The following PID1 variants were observed in gnomAD, a reference collection of about 807,000 sequenced individuals.
PID1 encodes the protein PTB-containing, cubilin and LRP1-interacting protein.
In PID1, 10 loss-of-function variants were observed where a neutral mutation model predicts 19.1. The ratio of observed to expected loss-of-function variants is 0.52; its 90% confidence interval spans 0.32 to 0.89. The LOEUF (loss-of-function observed/expected upper bound fraction) is 0.89. Ranked by LOEUF, PID1 falls within the 40% of genes least tolerant of loss-of-function variation. PID1 has a pLI of 0.03. For missense variants in PID1, 248 were observed against 285.3 expected (o/e 0.87, Z 0.94); for synonymous variants, 130 against 116.0 (o/e 1.12, Z -0.78).
intron 1 of PID1, among the ~76,000 whole-genome samples, chr2:229,251,944 T>TTAAAAAAAAAA (rs1690162331): frequency 1.4e-5 from 1 of 71,474 alleles, no homozygotes; most frequent in Non-Finnish European, 2.9e-5. Context: ...AACCATAAGC[T>TTAAAAAAAAAA]AAAAAAAAAA....
In PID1 at chr2:229,090,249, C is replaced by T. The variant is rs537069668; in HGVS notation, c.178-64141G>A. Among the ~76,000 whole-genome samples the T allele has an allele frequency of 4.9e-4, 75 of 152,196 alleles. 1 individual carries two copies. Among genetic ancestry groups the T allele is most frequent in the African/African-American group, 1.5e-3 (61 of 41,544 alleles). On this transcript the variant is annotated intron_variant, in intron 2 of 2. Transcript: ENST00000392055. ...GCTAATCAACATAGAAATTAAAGAA[C>T]GTAATCTGGAAAAAACAGTTCAAGT...
chr2:229,098,385 G>T (rs1251641592), intron 2 of PID1, among the ~76,000 whole-genome samples: 1 of 152,200 alleles, frequency 6.6e-6, no homozygotes, highest in Admixed American at 6.5e-5. Flanking sequence ...GTTCTAATGG[G>T]AAACAGTTTC....
chr2:229,266,458 G>C (rs1690594305), intron 1 of PID1, among the ~76,000 whole-genome samples: 1 of 152,158 alleles, frequency 6.6e-6, no homozygotes, highest in East Asian at 1.9e-4. Flanking sequence ...ACCAAAAACA[G>C]AGTAGCCTTT....
chr2:229,162,414 G>A (rs1690509240), intron 1 of PID1, among the ~76,000 whole-genome samples: 1 of 152,178 alleles, frequency 6.6e-6, no homozygotes, highest in Non-Finnish European at 1.5e-5. Flanking sequence ...CCTGCTTAAT[G>A]TTTTTATAAG....
intron 2 of PID1, among the ~76,000 whole-genome samples, chr2:229,081,856 G>T (rs1249457215): frequency 6.6e-6 from 1 of 152,310 alleles, no homozygotes; most frequent in Non-Finnish European, 1.5e-5. Context: ...TTGCCAAATA[G>T]CTCAGGAAAG....
chr2:229,207,650 G>T (rs1691636751), intron 1 of PID1, among the ~76,000 whole-genome samples: 1 of 151,698 alleles, frequency 6.6e-6, no homozygotes, highest in Admixed American at 6.6e-5. Context: ...AGTTGTCTGT[G>T]TAATGATCAC....
intron 1 of PID1, among the ~76,000 whole-genome samples, chr2:229,230,503 C>T (rs1692182027): frequency 6.6e-6 from 1 of 152,200 alleles, no homozygotes; most frequent in South Asian, 2.1e-4. Flanking sequence ...GGAAGTTCTT[C>T]TGTGAATAAC....
intron 2 of PID1, among the ~76,000 whole-genome samples, chr2:229,095,191 C>T (rs1361694922): frequency 6.6e-6 from 1 of 152,094 alleles, no homozygotes; most frequent in Non-Finnish European, 1.5e-5. Context: ...AACTGGAAAA[C>T]ATTTAGAAAG....
At chr2:229,194,722 G>T (rs1691336395) in intron 1 of PID1, among the ~76,000 whole-genome samples, 1 of 152,138 alleles carries the variant, frequency 6.6e-6, no homozygotes, top group South Asian at 2.1e-4. Flanking sequence ...GTTAATGTAT[G>T]TGAGTGAGTG....
At chr2:229,111,876 C>T (rs940041468) in intron 2 of PID1, among the ~76,000 whole-genome samples, 4 of 152,080 alleles carry the variant, frequency 2.6e-5, no homozygotes, top group Admixed American at 2.6e-4. Context: ...TGAAAATAAC[C>T]TTTCAAAAAT....
At chr2:229,150,696 A>AAT (rs1690233157) in intron 2 of PID1, among the ~76,000 whole-genome samples, 1 of 152,128 alleles carries the variant, frequency 6.6e-6, no homozygotes, top group Non-Finnish European at 1.5e-5. Flanking sequence ...TGTTTGTTAC[A>AAT]ATATTGCTGC....
intron 2 of PID1, among the ~76,000 whole-genome samples, chr2:229,082,188 T>C (rs911036533): frequency 6.6e-6 from 1 of 152,230 alleles, no homozygotes; most frequent in Non-Finnish European, 1.5e-5. Flanking sequence ...CTTCAGACTC[T>C]GGAAGAGGAC....
At chr2:229,192,681 T>C (rs1174874528) in intron 1 of PID1, among the ~76,000 whole-genome samples, 3 of 152,208 alleles carry the variant, frequency 2.0e-5, no homozygotes, top group African/African-American at 4.8e-5. Context: ...GTAATAATCA[T>C]AGTGATACCT....
chr2:229,083,267 G>T (rs1444385766), intron 2 of PID1, among the ~76,000 whole-genome samples: 1 of 152,140 alleles, frequency 6.6e-6, no homozygotes, highest in Non-Finnish European at 1.5e-5. Context: ...AGTATGTGCT[G>T]GAGTGGCTAA....
At chr2:229,100,829 C>G (rs1029367279) in intron 2 of PID1, among the ~76,000 whole-genome samples, 57 of 152,138 alleles carry the variant, frequency 3.7e-4, no homozygotes, top group African/African-American at 1.3e-3. Context: ...AGTAGAAAAC[C>G]CTTTCCTGCT....
chr2:229,098,768 G>A (rs1444489575), intron 2 of PID1, among the ~76,000 whole-genome samples: 1 of 152,112 alleles, frequency 6.6e-6, no homozygotes, highest in South Asian at 2.1e-4. Flanking sequence ...CAACTCTCCC[G>A]CTAGCTATTT....
At chr2:229,057,581 A>G (rs1360789393) in intron 2 of PID1, among the ~76,000 whole-genome samples, 1 of 146,740 alleles carries the variant, frequency 6.8e-6, no homozygotes, top group African/African-American at 2.4e-5. Context: ...AATTTTTGAT[A>G]CTGTGATAAC....
At chr2:229,205,840 C>A (rs1236777013) in intron 1 of PID1, among the ~76,000 whole-genome samples, 2 of 152,156 alleles carry the variant, frequency 1.3e-5, no homozygotes, top group African/African-American at 4.8e-5. Flanking sequence ...CCCACTTATT[C>A]ATAAACAAAT....
At chr2:229,151,931 C>T (rs1559258826) in intron 2 of PID1, among the ~76,000 whole-genome samples, 1 of 152,140 alleles carries the variant, frequency 6.6e-6, no homozygotes, top group Non-Finnish European at 1.5e-5. Flanking sequence ...TTGAGGACAT[C>T]AGTGAATGGC....
Sources: allele counts gnomAD v4.1 joint callset (sites outside exome capture counted in the v4.1 genomes callset), GRCh38; gene constraint gnomAD v4.1.1; transcripts MANE v1.5; gene names NCBI Gene and HGNC (gene_info 2026-07-23, HGNC 2026-07-21).